ALDH9A1: variants seen among roughly 807,000 people sequenced by gnomAD.
The protein encoded by ALDH9A1 is aldehyde dehydrogenase 9 family member A1, also known as 4-trimethylaminobutyraldehyde dehydrogenase.
Under a neutral mutation model 56.6 loss-of-function variants are expected in ALDH9A1, and 42 were observed. The observed-to-expected ratio is 0.74, with a 90% CI of 0.58 to 0.96. The LOEUF is 0.96. ALDH9A1 is among the 40% of genes least tolerant of loss of function. The pLI is 0.00. For missense variants in ALDH9A1, 661 were observed against 651.5 expected, an observed-to-expected ratio of 1.01 and a Z score of -0.16; for synonymous variants, 242 against 236.0, an observed-to-expected ratio of 1.03 and a Z score of -0.23.
At chr1:165,696,980 G>T (rs1318851208) in intron 1 of ALDH9A1, among the ~76,000 whole-genome samples, 1 of 152,212 alleles carries the variant, frequency 6.6e-6, no homozygotes, top group Non-Finnish European at 1.5e-5. Flanking sequence ...GTGGTTTAGT[G>T]TGGATGGTCA....
At chr1:165,694,032 AG>A (rs1649982521) in intron 2 of ALDH9A1, among the ~76,000 whole-genome samples, 1 of 82,840 alleles carries the variant, frequency 1.2e-5, no homozygotes, top group African/African-American at 4.9e-5. Flanking sequence ...ACTTGGACAC[AG>A]GGTGGGGAAC....
chr1:165,681,447 C>G (rs1190042463), intron 4 of ALDH9A1, among the ~76,000 whole-genome samples: 1 of 152,202 alleles, frequency 6.6e-6, no homozygotes, highest in Non-Finnish European at 1.5e-5. Context: ...TATTTTTCCT[C>G]TTTCACAGCT....
In ALDH9A1 at chr1:165,662,283, T is replaced by A. The variant is rs953816244; in HGVS notation, c.*767A>T. Reference sequence around the variant, plus strand: ...TTAGCATACAAATAATTTGTACATTTAAAGGGTAGCTCCACTGGTGTAAGA... The same window carrying A: ...TTAGCATACAAATAATTTGTACATTAAAAGGGTAGCTCCACTGGTGTAAGA... On this transcript the variant is annotated 3_prime_UTR_variant, in exon 11 of 11. Coordinates refer to ENST00000354775, the MANE Select transcript of ALDH9A1 (RefSeq NM_000696.4). The A allele has an allele frequency of 6.6e-6, 1 of 152,202 alleles. No homozygotes were observed. Among genetic ancestry groups the A allele is most frequent in the Non-Finnish European group, 1.5e-5 (1 of 68,038 alleles). The allele number at this position is 152,202 out of a possible 1,614,324, so 9.4% of individuals were successfully genotyped here. A position where few individuals can be genotyped will look rare whatever the true frequency, so the allele number is the denominator to read the frequency against.
In ALDH9A1 at chr1:165,682,122, G is replaced by T; in HGVS notation, c.577C>A (p.Pro193Thr). The part of the protein sequence containing the change: ...PFQIASWKSA[P>T]ALACGNAMVF... ...TCATTCTTACCACAGGCTAATGCTG[G>T]AGCCGACTTCCAAGAGGCAATCTGA... The change falls in exon 4 of 11, where the codon CCA (proline) becomes ACA (threonine). Residue 193 changes from proline to threonine, a missense_variant. Pro to Thr is a conservative substitution (Grantham distance 38). Transcript: ENST00000354775. 3.7e-6 allele frequency: 6 copies of T among 1,614,102 alleles called. No individual in the cohort carries two copies. The highest frequency in any genetic ancestry group is 5.1e-6 in the Non-Finnish European group (6 of 1,179,976).
At chr1:165,688,265 T>C (rs1178370501) in intron 2 of ALDH9A1, among the ~76,000 whole-genome samples, 2 of 152,124 alleles carry the variant, frequency 1.3e-5, no homozygotes, top group Non-Finnish European at 2.9e-5. Flanking sequence ...CATAGTGAGC[T>C]ATGATTCCAC....
intron 9 of ALDH9A1, among the ~76,000 whole-genome samples, chr1:165,667,051 A>C (rs1649030050): frequency 6.6e-6 from 1 of 152,144 alleles, no homozygotes; most frequent in South Asian, 2.1e-4. Context: ...CATCTAACCC[A>C]ATGCTTTACA....
chr1:165,671,623 T>C, intron 6 of ALDH9A1: 2 of 482,692 alleles, frequency 4.1e-6, no homozygotes, highest in Non-Finnish European at 8.0e-6. Context: ...TCTGTCTGAT[T>C]CTGATAGAGA....
intron 2 of ALDH9A1, among the ~76,000 whole-genome samples, chr1:165,684,553 T>C (rs1205162757): frequency 6.6e-6 from 1 of 152,216 alleles, no homozygotes; most frequent in African/African-American, 2.4e-5. Flanking sequence ...CTTAAGTTTG[T>C]TGAGTATAAT....
At position 165,698,434 on chromosome 1, in the gene ALDH9A1, GC is replaced by G; in HGVS notation, c.124del (p.Ala42ProfsTer22). On this transcript the variant is annotated frameshift_variant, in exon 1 of 11. Transcript: ENST00000354775. LOFTEE classifies it high-confidence loss of function. ...GGAGGCGTCCGCCGGCTCCACGCGG[GC>G]CCCGCCGCGGTAATTGAGCGGCTGC... ...VSQPLNYRGG[A>X]RVEPADASGT... 1.9e-6 allele frequency: 3 copies of G among 1,606,296 alleles called. No individual in the cohort carries two copies. The highest frequency in any genetic ancestry group is 2.3e-5 in the East Asian group (1 of 44,308).
chr1:165,670,392 G>C (rs1178088987), intron 6 of ALDH9A1, among the ~76,000 whole-genome samples: 1 of 151,818 alleles, frequency 6.6e-6, no homozygotes, highest in African/African-American at 2.4e-5. Flanking sequence ...AACCCTGACT[G>C]CGTCACTGCA....
At chr1:165,692,552 A>G (rs1649927408) in intron 2 of ALDH9A1, among the ~76,000 whole-genome samples, 1 of 152,234 alleles carries the variant, frequency 6.6e-6, no homozygotes, top group South Asian at 2.1e-4. Flanking sequence ...CCACTGCTCA[A>G]TGAAATAAAA....
rs776795658 is a variant in ALDH9A1 at position 165,682,255 on chromosome 1, A to G, written c.458-14T>C. On this transcript the variant is annotated splice_polypyrimidine_tract_variant and intron_variant, in intron 3 of 10. Transcript: ENST00000354775. ...GGATGTGTTCACCTATGGGGAAAAC[A>G]GGAGTAAAGGAGGATGCAGGTCTGT... is the stretch of plus-strand genomic sequence containing the variant. 1 of 1,612,070 alleles carries G rather than the reference A, an allele frequency of 6.2e-7. No homozygotes were observed. Among genetic ancestry groups the G allele is most frequent in the Non-Finnish European group, 8.5e-7 (1 of 1,179,304 alleles).
chr1:165,697,149 T>G (rs1650115147), intron 1 of ALDH9A1, among the ~76,000 whole-genome samples: 2 of 152,254 alleles, frequency 1.3e-5, no homozygotes, highest in Admixed American at 1.3e-4. Flanking sequence ...CTTATCTCTG[T>G]GACCTTCAGA....
chr1:165,677,979 G>C (rs1050968556), intron 6 of ALDH9A1, among the ~76,000 whole-genome samples: 3 of 152,154 alleles, frequency 2.0e-5, no homozygotes, highest in Non-Finnish European at 4.4e-5. Context: ...AGGTTGCAGT[G>C]AGCTGAGATC....
At chr1:165,676,734 C>CA in intron 6 of ALDH9A1, 1 of 505,084 alleles carries the variant, frequency 2.0e-6, no homozygotes, top group Non-Finnish European at 3.9e-6. Context: ...TGAGAACCAA[C>CA]GGGAAGGAGC....
At chr1:165,664,935 G>T (rs1648959899) in intron 10 of ALDH9A1, 83 bp downstream of exon 10, 6 of 1,089,986 alleles carry the variant, frequency 5.5e-6, no homozygotes, top group African/African-American at 4.6e-5. Context: ...ATGCAGACAG[G>T]TTTAGGAATA....
intron 5 of ALDH9A1, 102 bp from the exon 6 acceptor site, chr1:165,679,684 G>A: frequency 2.4e-6 from 3 of 1,245,718 alleles, no homozygotes; most frequent in Non-Finnish European, 3.5e-6. Context: ...AACTGTTTGT[G>A]ACCTGTAGCC....
At chr1:165,668,905 G>A (rs1649086745) in intron 8 of ALDH9A1, 21 bp downstream of exon 8, 1 of 1,506,060 alleles carries the variant, frequency 6.6e-7, no homozygotes, top group South Asian at 1.2e-5. Context: ...TCATCTAAAA[G>A]CAAACAAAAA....
intron 6 of ALDH9A1, among the ~76,000 whole-genome samples, chr1:165,678,221 C>G (rs1464485452): frequency 6.6e-6 from 1 of 151,612 alleles, no homozygotes; most frequent in Non-Finnish European, 1.5e-5. Context: ...GTAATCCCAG[C>G]TACTCAGGAG....
Sources: allele counts gnomAD v4.1 joint callset (sites outside exome capture counted in the v4.1 genomes callset), GRCh38; gene constraint gnomAD v4.1.1; transcripts MANE v1.5; gene names NCBI Gene and HGNC (gene_info 2026-07-23, HGNC 2026-07-21).